Variants in PGAP4 observed in about 807,000 individuals in gnomAD.
The protein encoded by PGAP4 is GPI-N-acetylgalactosamine transferase PGAP4.
In PGAP4, 12 loss-of-function variants were observed where a neutral mutation model predicts 28.2. The observed-to-expected ratio is 0.42, with a 90% CI of 0.27 to 0.69. The LOEUF (loss-of-function observed/expected upper bound fraction) is 0.69, where lower values mean the gene tolerates loss of function less well. Ranked by LOEUF, PGAP4 falls within the 30% of genes least tolerant of loss-of-function variation. The pLI is 0.22. For missense variants in PGAP4, 425 were observed against 513.5 expected (o/e 0.83, Z 1.67); for synonymous variants, 205 against 211.8 (o/e 0.97, Z 0.28).
intron 1 of PGAP4, among the ~76,000 whole-genome samples, chr9:101,482,867 C>A (rs547593660): frequency 1.1e-4 from 16 of 152,286 alleles, no homozygotes; most frequent in African/African-American, 3.6e-4. Context: ...ATAGCTACCG[C>A]TTATTAAGGC....
intron 2 of PGAP4, among the ~76,000 whole-genome samples, chr9:101,509,218 A>G (rs1020205370): frequency 1.3e-5 from 2 of 152,164 alleles, no homozygotes; most frequent in African/African-American, 4.8e-5. Flanking sequence ...CACCAGCTGA[A>G]AGAAAGAAGG....
intron 2 of PGAP4, among the ~76,000 whole-genome samples, chr9:101,511,635 T>C (rs528524379): frequency 1.4e-4 from 21 of 152,286 alleles, no homozygotes; most frequent in African/African-American, 5.1e-4. Flanking sequence ...GGTAAGATGA[T>C]ACAAAGAATC....
In PGAP4 at chr9:101,476,744, A is replaced by G. The variant is rs1254900602; in HGVS notation, c.349T>C (p.Tyr117His). 4 of 1,613,862 alleles carry G rather than the reference A, an allele frequency of 2.5e-6. No individual in the cohort carries two copies. Among genetic ancestry groups the G allele is most frequent in the Non-Finnish European group, 3.4e-6 (4 of 1,179,800 alleles). The change falls in exon 2 of 2, where the codon TAC becomes CAC. Residue 117 changes from tyrosine to histidine, a missense_variant. By Grantham distance (83) the Tyr-to-His change is moderately conservative (BLOSUM62 2). Coordinates refer to ENST00000374848, the MANE Select transcript of PGAP4 (RefSeq NM_032342.3). The surrounding 1 kb of genome is among the most constrained non-coding windows in gnomAD (Gnocchi z 7.0). ...ITVDRQPGFH[Y>H]VLQVVSQFHR... ...AACTGGGACACAACCTGCAGGACGT[A>G]GTGGAAGCCAGGCTGCCTGTCCACA... is the stretch of plus-strand genomic sequence containing the variant.
At chr9:101,520,677 A>T (rs1181329277) in intron 2 of PGAP4, among the ~76,000 whole-genome samples, 1 of 152,072 alleles carries the variant, frequency 6.6e-6, no homozygotes, top group Non-Finnish European at 1.5e-5. Flanking sequence ...TGACAGTTTG[A>T]CTTCCTCTTT....
In PGAP4 at chr9:101,484,477, T is replaced by A. The variant is rs554856738; in HGVS notation, c.-78+2472A>T. 8.9e-4 allele frequency among the ~76,000 whole-genome samples: 136 copies of A among 152,322 alleles called. 1 individual carries two copies. Among genetic ancestry groups the A allele is most frequent in the African/African-American group, 2.9e-3 (119 of 41,562 alleles). On this transcript the variant is annotated intron_variant, in intron 1 of 1. Coordinates refer to ENST00000374848, the MANE Select transcript of PGAP4 (RefSeq NM_032342.3). ...TTGGACTGAATGTTTGTCCTCCTCC[T>A]GCCCAGCCAAAATTCGTGTTATAAA...
At chr9:101,497,116 A>T (rs1421789935) in intron 2 of PGAP4, among the ~76,000 whole-genome samples, 1 of 150,974 alleles carries the variant, frequency 6.6e-6, no homozygotes, top group East Asian at 2.0e-4. Context: ...TTCTATAACA[A>T]TTTTTAAATT....
At chr9:101,531,779 G>A (rs777952642) in intron 1 of PGAP4, among the ~76,000 whole-genome samples, 10 of 152,186 alleles carry the variant, frequency 6.6e-5, no homozygotes, top group Non-Finnish European at 1.3e-4. Context: ...GAGGGAAGGG[G>A]AATAGCTGTT....
Position 101,475,848 on chromosome 9 carries a change from G to C in PGAP4, c.*33C>G. The stretch of plus-strand genomic sequence containing the variant: ...AGATAAATATTTGAATCTTCAAGAA[G>C]TGGCCAACTTCAGAAAGGCATCTCT... On this transcript the variant is annotated 3_prime_UTR_variant, in exon 2 of 2. Transcript: ENST00000374848. The C allele has an allele frequency of 6.3e-7, 1 of 1,582,568 alleles. No individual in the cohort carries two copies. The highest frequency in any genetic ancestry group is 8.6e-7 in the Non-Finnish European group (1 of 1,162,476).
intron 2 of PGAP4, among the ~76,000 whole-genome samples, chr9:101,530,288 C>T (rs955109605): frequency 2.6e-5 from 4 of 152,180 alleles, no homozygotes; most frequent in Admixed American, 2.6e-4. Flanking sequence ...AGGCGTGTCG[C>T]CTTATGCCAC....
chr9:101,531,603 T>G, intron 1 of PGAP4: 1 of 152,232 alleles, frequency 6.6e-6, no homozygotes, highest in Non-Finnish European at 1.5e-5. Context: ...TCAAAGAAAT[T>G]CACCCTGATT....
chr9:101,476,778 G>A lies in PGAP4; in HGVS notation c.315C>T (p.Thr105=). ...QATPRPWLVI[T]IITVDRQPGF... ...CAGGCTGCCTGTCCACAGTGATGAT[G>A]GTGATCACCAGCCAGGGCCGGGGGG... The change falls in exon 2 of 2, where the codon ACC becomes ACT. Residue 105 remains threonine (T), a synonymous_variant. Coordinates refer to ENST00000374848, the MANE Select transcript of PGAP4 (RefSeq NM_032342.3). This position sits in a 1 kb window ranked among gnomAD's most constrained non-coding sequence, Gnocchi z 7.0. 6.2e-7 allele frequency: 1 copy of A among 1,613,104 alleles called. No individual in the cohort carries two copies. Among genetic ancestry groups the A allele is most frequent in the Non-Finnish European group, 8.5e-7 (1 of 1,179,354 alleles).
intron 1 of PGAP4, among the ~76,000 whole-genome samples, chr9:101,484,251 A>T (rs1177648332): frequency 6.6e-6 from 1 of 152,082 alleles, no homozygotes; most frequent in Non-Finnish European, 1.5e-5. Context: ...AAGAAAAAGG[A>T]AAGAAGACAG....
chr9:101,475,801 A>T lies in PGAP4; in HGVS notation c.*80T>A. 2.1e-6 allele frequency: 3 copies of T among 1,420,746 alleles called. No individual in the cohort carries two copies. The highest frequency in any genetic ancestry group is 2.9e-6 in the Non-Finnish European group (3 of 1,034,770). The allele number at this position is 1,420,746 out of a possible 1,614,324, so 88.0% of individuals were successfully genotyped here. On this transcript the variant is annotated 3_prime_UTR_variant, in exon 2 of 2. Coordinates refer to ENST00000374848, the MANE Select transcript of PGAP4 (RefSeq NM_032342.3). The stretch of plus-strand genomic sequence containing the variant: ...CAACAGTAAACAGTGAAATACCTGC[A>T]GGCAACCATGTCTAAATAAAGAGAT...
At position 101,481,060 on chromosome 9, in the gene PGAP4, C is replaced by T. The variant is rs112972347; in HGVS notation, c.-77-3891G>A. On this transcript the variant is annotated intron_variant, in intron 1 of 1. Transcript: ENST00000374848. ...GGCATGGTAGCATGTTCCTGTAGTC[C>T]TAGCTACTCAGTAGGCTGAGGCAGG... Among the ~76,000 whole-genome samples the T allele has an allele frequency of 7.0e-3, 1,059 of 152,234 alleles. 12 individuals are homozygous for T. Among genetic ancestry groups the T allele is most frequent in the African/African-American group, 0.025 (1,022 of 41,528 alleles).
intron 1 of PGAP4, chr9:101,481,406 A>C (rs1034790105): frequency 3.3e-5 from 5 of 152,384 alleles, no homozygotes; most frequent in African/African-American, 9.6e-5. Context: ...CCCACACTCC[A>C]GAGACACTGT....
rs1467534002 is a variant in PGAP4 at position 101,521,267 on chromosome 9, T to A, written c.-165+10081A>T. On this transcript the variant is annotated intron_variant, in intron 2 of 3. Transcript: ENST00000374851. ...TAGGGGAGGTTCCTTCTTTATCTTG[T>A]GGAATAGTGTCAAAAGGATTGGTGC... 2.0e-5 allele frequency among the ~76,000 whole-genome samples: 3 copies of A among 152,158 alleles called. No homozygotes were observed. In the East Asian group the frequency reaches 5.8e-4, roughly 29 times the overall value.
At chr9:101,527,433 A>G (rs1243044108) in intron 2 of PGAP4, among the ~76,000 whole-genome samples, 1 of 152,168 alleles carries the variant, frequency 6.6e-6, no homozygotes, top group African/African-American at 2.4e-5. Flanking sequence ...GAGTCAATAC[A>G]TGTTTAAACT....
chr9:101,507,738 T>C (rs573617408), intron 2 of PGAP4, among the ~76,000 whole-genome samples: 1 of 152,116 alleles, frequency 6.6e-6, no homozygotes, highest in Non-Finnish European at 1.5e-5. Context: ...GTGGAAAGCT[T>C]GGGCCATGGA....
intron 2 of PGAP4, among the ~76,000 whole-genome samples, chr9:101,523,837 TTTC>T (rs1172042995): frequency 6.6e-6 from 1 of 151,758 alleles, no homozygotes; most frequent in Non-Finnish European, 1.5e-5. Flanking sequence ...CAGGGTTGGT[TTTC>T]TGGTTTCTTC....
Sources: allele counts gnomAD v4.1 joint callset (sites outside exome capture counted in the v4.1 genomes callset), GRCh38; gene constraint gnomAD v4.1.1; non-coding constraint Gnocchi (gnomAD v3.1); transcripts MANE v1.5; gene names NCBI Gene and HGNC (gene_info 2026-07-23, HGNC 2026-07-21).